The following TMCC1 variants were observed in gnomAD, a reference collection of about 807,000 sequenced individuals.
TMCC1 encodes transmembrane and coiled-coil domains protein 1.
Under a neutral mutation model 52.4 loss-of-function variants are expected in TMCC1, and 15 were observed. The ratio of observed to expected loss-of-function variants is 0.29; its 90% CI spans 0.19 to 0.44. The LOEUF is 0.44. TMCC1 is among the 20% of genes least tolerant of loss of function. The probability of loss-of-function intolerance (pLI) is 1.00; values close to 1 mark genes in which losing one functional copy is unlikely to be tolerated. For missense variants in TMCC1, 503 were observed against 806.0 expected (o/e 0.62, Z 4.55); for synonymous variants, 279 against 301.9 (o/e 0.92, Z 0.79).
At chr3:129,831,883 CT>C (rs1389396928) in intron 3 of TMCC1, among the ~76,000 whole-genome samples, 1 of 152,130 alleles carries the variant, frequency 6.6e-6, no homozygotes, top group Non-Finnish European at 1.5e-5. Flanking sequence ...GAGACAGGGT[CT>C]CCCCCTGCCA....
rs533201908 is a variant in TMCC1 at position 129,696,244 on chromosome 3, C to T, written c.577-24980G>A. Reference sequence around the variant, plus strand: ...TGGTCTCCACCATCTTTTATCTTAACCTGAACATTTCCTTTCTATTAATCC... The same window carrying T: ...TGGTCTCCACCATCTTTTATCTTAATCTGAACATTTCCTTTCTATTAATCC... On this transcript the variant is annotated intron_variant, in intron 4 of 6. Transcript: ENST00000393238. Among the ~76,000 whole-genome samples, 6 of 152,330 alleles carry T rather than the reference C, an allele frequency of 3.9e-5. No individual in the cohort carries two copies. The East Asian group carries it at 1.2e-3, about 29-fold the overall frequency.
At chr3:129,743,879 A>T (rs1029186956) in intron 4 of TMCC1, among the ~76,000 whole-genome samples, 1 of 152,040 alleles carries the variant, frequency 6.6e-6, no homozygotes, top group Admixed American at 6.5e-5. Flanking sequence ...ACTGTTTTTT[A>T]AAAAAATCAG....
rs202233358 is a variant in TMCC1 at position 129,876,936 on chromosome 3, AAC to A, written c.-184+3371_-184+3372del. 1.0e-2 allele frequency among the ~76,000 whole-genome samples: 1,522 copies of A among 152,290 alleles called. 17 individuals carry two copies. Among genetic ancestry groups the A allele is most frequent in the African/African-American group, 0.035 (1,451 of 41,574 alleles). ...CGTGCCACTGCACTCCAGCCTGGAC[AAC>A]AGAGCGAGACTCCATCTCAAAATAA... On this transcript the variant is annotated intron_variant, in intron 2 of 6. Transcript: ENST00000393238.
intron 2 of TMCC1, among the ~76,000 whole-genome samples, chr3:129,872,818 T>G (rs936344733): frequency 2.0e-5 from 3 of 152,192 alleles, no homozygotes; most frequent in African/African-American, 2.4e-5. Context: ...TTTTTACAGC[T>G]TAAGTCACTA....
intron 3 of TMCC1, among the ~76,000 whole-genome samples, chr3:129,831,621 G>A (rs920108719): frequency 6.6e-6 from 1 of 152,150 alleles, no homozygotes; most frequent in African/African-American, 2.4e-5. Context: ...AAAATTTTCT[G>A]TAGGCCAATA....
intron 4 of TMCC1, among the ~76,000 whole-genome samples, chr3:129,792,274 G>A (rs1376814342): frequency 2.0e-5 from 3 of 151,674 alleles, no homozygotes; most frequent in Non-Finnish European, 4.4e-5. Context: ...CCATAAACTG[G>A]GGTATGGCAG....
intron 2 of TMCC1, among the ~76,000 whole-genome samples, chr3:129,835,069 G>A (rs1014299826): frequency 1.3e-5 from 2 of 152,078 alleles, no homozygotes; most frequent in African/African-American, 2.4e-5. Context: ...CACCCTGGCC[G>A]AAGATGTTAC....
At chr3:129,863,848 C>T (rs905039826) in intron 2 of TMCC1, among the ~76,000 whole-genome samples, 1 of 151,310 alleles carries the variant, frequency 6.6e-6, no homozygotes, top group Non-Finnish European at 1.5e-5. Flanking sequence ...GGTGACAGAG[C>T]GAGACTCTTA....
chr3:129,874,676 G>A (rs944515761), intron 2 of TMCC1, among the ~76,000 whole-genome samples: 3 of 152,078 alleles, frequency 2.0e-5, no homozygotes, highest in African/African-American at 7.2e-5. Flanking sequence ...GGGCAACATA[G>A]CAAGACCCCA....
At chr3:129,848,820 T>A (rs759821963) in intron 2 of TMCC1, among the ~76,000 whole-genome samples, 4 of 152,314 alleles carry the variant, frequency 2.6e-5, no homozygotes, top group Non-Finnish European at 5.9e-5. Flanking sequence ...TCTTCAAATC[T>A]AATACTCCCT....
At chr3:129,807,666 T>C (rs1332125092) in intron 4 of TMCC1, among the ~76,000 whole-genome samples, 5 of 152,274 alleles carry the variant, frequency 3.3e-5, no homozygotes, top group South Asian at 2.1e-4. Context: ...ACCAGATTTT[T>C]TGTCAATACT....
At chr3:129,801,080 C>T (rs1006157583) in intron 4 of TMCC1, among the ~76,000 whole-genome samples, 1 of 152,050 alleles carries the variant, frequency 6.6e-6, no homozygotes, top group Non-Finnish European at 1.5e-5. Context: ...CCCGCCACCA[C>T]GCCCAGCTGA....
intron 4 of TMCC1, among the ~76,000 whole-genome samples, chr3:129,690,601 G>A (rs1004771848): frequency 2.0e-5 from 3 of 152,144 alleles, no homozygotes; most frequent in Admixed American, 2.0e-4. Context: ...AAGGAAGTGA[G>A]TGTGTAACCT....
chr3:129,766,045 A>T (rs1314694535), intron 4 of TMCC1, among the ~76,000 whole-genome samples: 1 of 152,210 alleles, frequency 6.6e-6, no homozygotes, highest in African/African-American at 2.4e-5. Context: ...CTGTAGAAAG[A>T]TTAAACTACT....
intron 4 of TMCC1, among the ~76,000 whole-genome samples, chr3:129,805,251 C>T (rs1323807987): frequency 2.6e-5 from 4 of 152,126 alleles, no homozygotes; most frequent in African/African-American, 7.2e-5. Flanking sequence ...CAGCCTCAAC[C>T]TCCTGGGCTC....
intron 2 of TMCC1, among the ~76,000 whole-genome samples, chr3:129,878,027 C>T (rs1577196124): frequency 6.7e-6 from 1 of 150,310 alleles, no homozygotes; most frequent in Admixed American, 6.6e-5. Context: ...GGCGCAATCT[C>T]GGCTCACTGC....
chr3:129,698,033 A>AC (rs1401217633), intron 4 of TMCC1, among the ~76,000 whole-genome samples: 1 of 152,042 alleles, frequency 6.6e-6, no homozygotes, highest in Non-Finnish European at 1.5e-5. Context: ...AACCTCTGTT[A>AC]CCCAGTTTCA....
At chr3:129,815,611 A>G (rs147580784) in intron 4 of TMCC1, among the ~76,000 whole-genome samples, 157 of 152,278 alleles carry the variant, frequency 1.0e-3, no homozygotes, top group African/African-American at 3.4e-3. Flanking sequence ...AGGGATTAAC[A>G]ACTTAAATCT....
intron 4 of TMCC1, among the ~76,000 whole-genome samples, chr3:129,672,694 C>T (rs1316879904): frequency 6.6e-6 from 1 of 152,138 alleles, no homozygotes; most frequent in African/African-American, 2.4e-5. Flanking sequence ...TAAAAATCCC[C>T]AGTATAAGTG....
Sources: allele counts gnomAD v4.1 joint callset (sites outside exome capture counted in the v4.1 genomes callset), GRCh38; gene constraint gnomAD v4.1.1; transcripts MANE v1.5; gene names NCBI Gene and HGNC (gene_info 2026-07-23, HGNC 2026-07-21).